GRM5: variants seen among roughly 807,000 people sequenced by gnomAD.
GRM5 encodes the protein metabotropic glutamate receptor 5.
In GRM5, 19 loss-of-function variants were observed where a neutral mutation model predicts 83.1. The observed-to-expected ratio is 0.23, with a 90% CI of 0.16 to 0.34. The LOEUF (loss-of-function observed/expected upper bound fraction) is 0.34. Among genes scored for constraint, GRM5 ranks in the 10% least tolerant of loss-of-function variants. The pLI, the probability that GRM5 is intolerant of heterozygous loss-of-function variation, is 1.00. For synonymous variants in GRM5, 675 were observed against 633.6 expected, an observed-to-expected ratio of 1.07 and a Z score of -0.98; for missense variants, 1,160 against 1,588.3, an observed-to-expected ratio of 0.73 and a Z score of 4.58.
intron 3 of GRM5, among the ~76,000 whole-genome samples, chr11:88,735,366 A>T (rs72966411): frequency 0.046 from 7,004 of 152,130 alleles, 148 homozygotes; most frequent in Middle Eastern, 0.072. Context: ...TTTTCAGGAT[A>T]AACGTTTTCT....
At chr11:88,554,153 T>A (rs561469414) in intron 8 of GRM5, among the ~76,000 whole-genome samples, 1 of 152,232 alleles carries the variant, frequency 6.6e-6, no homozygotes, top group East Asian at 1.9e-4. Context: ...TTCTGGAGGC[T>A]GTAGGGGACA....
intron 3 of GRM5, among the ~76,000 whole-genome samples, chr11:88,715,327 A>T (rs1164649338): frequency 6.6e-6 from 1 of 151,982 alleles, no homozygotes; most frequent in Non-Finnish European, 1.5e-5. Flanking sequence ...GGCATGGTGC[A>T]TGTGGGAAGT....
rs776609495 is a variant in GRM5 at position 88,508,562 on chromosome 11, C to T, written c.*30G>A. ...TGAACACGGGGGGCTCCGCTCCGCA[C>T]GCGCAGGCCGGCGTGCTTTCCAGGG... is the stretch of plus-strand genomic sequence containing the variant. On this transcript the variant is annotated 3_prime_UTR_variant, in exon 10 of 10. Transcript: ENST00000305447. The surrounding 1 kb of genome is among the most constrained non-coding windows in gnomAD (Gnocchi z 4.2). The T allele has an allele frequency of 3.2e-6, 5 of 1,583,240 alleles. No individual in the cohort carries two copies. In the South Asian group the frequency reaches 5.5e-5, roughly 18 times the overall value.
chr11:88,583,367 A>C (rs1943252844), intron 7 of GRM5, among the ~76,000 whole-genome samples: 1 of 152,218 alleles, frequency 6.6e-6, no homozygotes, highest in Admixed American at 6.5e-5. Context: ...AGGGAACCAA[A>C]GGAACTTCCT....
At chr11:88,594,094 T>C (rs1425698468) in intron 6 of GRM5, among the ~76,000 whole-genome samples, 1 of 152,062 alleles carries the variant, frequency 6.6e-6, no homozygotes, top group Non-Finnish European at 1.5e-5. Context: ...CGCCCGGCCC[T>C]AGAAGTTACG....
intron 3 of GRM5, among the ~76,000 whole-genome samples, chr11:88,814,521 A>G (rs1943637632): frequency 6.6e-6 from 1 of 152,204 alleles, no homozygotes; most frequent in Non-Finnish European, 1.5e-5. Context: ...TAATTCACAG[A>G]CACAGTAGAA....
At chr11:88,520,746 C>T (rs1332706611) in intron 9 of GRM5, among the ~76,000 whole-genome samples, 1 of 152,062 alleles carries the variant, frequency 6.6e-6, no homozygotes, top group African/African-American at 2.4e-5. Flanking sequence ...AATCCTAACA[C>T]AAGACATTGT....
At chr11:88,749,817 CCA>C (rs1395052292) in intron 3 of GRM5, among the ~76,000 whole-genome samples, 1 of 152,064 alleles carries the variant, frequency 6.6e-6, no homozygotes, top group African/African-American at 2.4e-5. Context: ...AAATTCCAAC[CCA>C]GAGTTTCATA....
In GRM5 at chr11:88,567,223, C is replaced by T. The variant is rs768641882; in HGVS notation, c.2460G>A (p.Pro820=). Residue 820 remains proline (P), a synonymous_variant, in exon 8 of 10, where the codon CCG becomes CCA. Transcript: ENST00000305447. This position sits in a 1 kb window ranked among gnomAD's most constrained non-coding sequence, Gnocchi z 7.3. ...ATVALGCMFV[P]KVYIILAKPE... ...GTTTGGCCAGGATGATGTACACCTTCGGCACAAACATGCAGCCTAGGGCCA... is the reference window on the plus strand; with the variant it reads ...GTTTGGCCAGGATGATGTACACCTTTGGCACAAACATGCAGCCTAGGGCCA... 1.8e-5 allele frequency: 29 copies of T among 1,613,964 alleles called. No homozygotes were observed. The highest frequency in any genetic ancestry group is 1.2e-4 in the African/African-American group (9 of 74,906).
At chr11:88,669,421 A>G (rs1357483297) in intron 3 of GRM5, among the ~76,000 whole-genome samples, 1 of 152,102 alleles carries the variant, frequency 6.6e-6, no homozygotes, top group Admixed American at 6.6e-5. Flanking sequence ...TAAGTAAAAG[A>G]TGTCTTCACT....
chr11:88,533,397 T>C (rs922467340), intron 8 of GRM5, among the ~76,000 whole-genome samples: 1 of 152,220 alleles, frequency 6.6e-6, no homozygotes, highest in African/African-American at 2.4e-5. Context: ...TGCCTAAATG[T>C]CACTTTCTCA....
At chr11:88,797,438 C>A (rs1165526831) in intron 3 of GRM5, among the ~76,000 whole-genome samples, 1 of 152,114 alleles carries the variant, frequency 6.6e-6, no homozygotes, top group Non-Finnish European at 1.5e-5. Flanking sequence ...CTGTGCCCAG[C>A]CCAAGATTGG....
chr11:88,804,928 T>A (rs1005522114), intron 3 of GRM5, among the ~76,000 whole-genome samples: 7 of 152,072 alleles, frequency 4.6e-5, no homozygotes, highest in Non-Finnish European at 5.9e-5. Flanking sequence ...ACACAATATA[T>A]CCATGTAAAA....
intron 2 of GRM5, among the ~76,000 whole-genome samples, chr11:88,867,926 C>G (rs1236869714): frequency 6.6e-6 from 1 of 151,918 alleles, no homozygotes; most frequent in East Asian, 1.9e-4. Context: ...CTGACCAAAA[C>G]TTTCAGTCAC....
intron 3 of GRM5, among the ~76,000 whole-genome samples, chr11:88,688,597 T>G (rs1940704483): frequency 6.6e-6 from 1 of 152,168 alleles, no homozygotes; most frequent in African/African-American, 2.4e-5. Flanking sequence ...TAGAGAGATC[T>G]GGCTAGAAAT....
chr11:88,684,713 T>A (rs1182302999), intron 3 of GRM5, among the ~76,000 whole-genome samples: 1 of 152,214 alleles, frequency 6.6e-6, no homozygotes, highest in Non-Finnish European at 1.5e-5. Context: ...ATAATTTGAA[T>A]CATGGGGCAG....
chr11:88,676,668 A>C (rs921328710), intron 3 of GRM5, among the ~76,000 whole-genome samples: 1 of 152,114 alleles, frequency 6.6e-6, no homozygotes, highest in African/African-American at 2.4e-5. Context: ...TTTTGGAATG[A>C]ATAAGTGTAT....
intron 7 of GRM5, among the ~76,000 whole-genome samples, chr11:88,583,693 A>G (rs185007063): frequency 1.4e-3 from 214 of 152,260 alleles, no homozygotes; most frequent in African/African-American, 4.9e-3. Context: ...TCTCCTCCTA[A>G]ATTCTTTGAT....
intron 3 of GRM5, among the ~76,000 whole-genome samples, chr11:88,805,687 TAG>T (rs1333503895): frequency 1.3e-5 from 2 of 152,160 alleles, no homozygotes; most frequent in Non-Finnish European, 2.9e-5. Context: ...TCTAAAGACT[TAG>T]AGAGTATGTC....
Sources: gnomAD v4.1 joint callset for allele counts (sites outside exome capture counted in the v4.1 genomes callset) on GRCh38, gnomAD v4.1.1 for gene constraint, Gnocchi (gnomAD v3.1) non-coding constraint, MANE v1.5 for transcripts, NCBI Gene and HGNC (gene_info 2026-07-23, HGNC 2026-07-21) for gene names.